L3MBTL4: variants seen among roughly 807,000 people sequenced by gnomAD.
L3MBTL4 encodes L3MBTL histone methyl-lysine binding protein 4.
L3MBTL4 carries 70 observed loss-of-function variants against 84.5 expected under a neutral mutation model. The ratio of observed to expected loss-of-function variants is 0.83; its 90% CI spans 0.68 to 1.01. The LOEUF (loss-of-function observed/expected upper bound fraction) is 1.01. Ranked by LOEUF, L3MBTL4 falls within the 50% of genes least tolerant of loss-of-function variation. L3MBTL4 has a pLI of 0.00. For missense variants in L3MBTL4, 715 were observed against 754.8 expected (o/e 0.95, Z 0.62); for synonymous variants, 274 against 259.8 (o/e 1.05, Z -0.52).
chr18:6,070,694 C>T lies in L3MBTL4; in HGVS notation c.1444+10187G>A, dbSNP rs992961712. Among the ~76,000 whole-genome samples, 7 of 151,862 alleles carry T rather than the reference C, an allele frequency of 4.6e-5. 1 individual carries two copies. The highest frequency in any genetic ancestry group is 6.3e-3 in the Middle Eastern group (2 of 316). ...AAAAACAAAAAAAACAAAAATTAGC[C>T]GGGCATGGTGGCACACACCTGTAGG... On this transcript the variant is annotated intron_variant, in intron 16 of 18. Coordinates refer to ENST00000317931, the MANE Select transcript of L3MBTL4 (RefSeq NM_001330559.2).
rs143540182 is a variant in L3MBTL4 at position 6,267,499 on chromosome 18, G to C, written c.128-3461C>G. On this transcript the variant is annotated intron_variant, in intron 4 of 18. Coordinates refer to ENST00000317931, the MANE Select transcript of L3MBTL4 (RefSeq NM_001330559.2). ...ACAAACCCTGAAGATGCTCCAGGAAGACTATTCAACATCCCAATTTCCACA... is the reference window on the plus strand; with the variant it reads ...ACAAACCCTGAAGATGCTCCAGGAACACTATTCAACATCCCAATTTCCACA... Among the ~76,000 whole-genome samples the C allele has an allele frequency of 2.1e-3, 325 of 152,286 alleles. 4 individuals carry two copies. Among genetic ancestry groups the C allele is most frequent in the Admixed American group, 0.018 (270 of 15,300 alleles).
chr18:6,227,720 A>G (rs976668541), intron 10 of L3MBTL4, among the ~76,000 whole-genome samples: 21 of 152,154 alleles, frequency 1.4e-4, no homozygotes, highest in African/African-American at 4.8e-4. Context: ...AAATCAATAA[A>G]CTGCAAGGAA....
At chr18:6,337,440 A>G (rs2052396620) in intron 1 of L3MBTL4, among the ~76,000 whole-genome samples, 1 of 152,170 alleles carries the variant, frequency 6.6e-6, no homozygotes, top group African/African-American at 2.4e-5. Context: ...AATGAGAATA[A>G]ACAAACTATA....
chr18:6,051,885 G>C lies in L3MBTL4; in HGVS notation c.1444+28996C>G, dbSNP rs997811618. 3.3e-5 allele frequency among the ~76,000 whole-genome samples: 5 copies of C among 152,304 alleles called. No homozygotes were observed. In the South Asian group the frequency reaches 1.0e-3, roughly 32 times the overall value. On this transcript the variant is annotated intron_variant, in intron 16 of 18. Transcript: ENST00000317931. ...CTTGGCAGGATGAGTGTTAATAGTG[G>C]GGGAGAACTGAAAGTGGCCACTGTG...
chr18:6,383,296 A>G (rs2054676248), intron 1 of L3MBTL4, among the ~76,000 whole-genome samples: 1 of 150,894 alleles, frequency 6.6e-6, no homozygotes, highest in Non-Finnish European at 1.5e-5. Flanking sequence ...CCCTGGCTTC[A>G]CTCCCCTTTC....
At chr18:6,360,711 G>A (rs1426834794) in intron 1 of L3MBTL4, among the ~76,000 whole-genome samples, 1 of 152,068 alleles carries the variant, frequency 6.6e-6, no homozygotes, top group Non-Finnish European at 1.5e-5. Context: ...GCAGAGTGCA[G>A]TGCAGTGCTA....
intron 1 of L3MBTL4, among the ~76,000 whole-genome samples, chr18:6,372,285 G>A (rs2054188251): frequency 6.6e-6 from 1 of 152,188 alleles, no homozygotes; most frequent in African/African-American, 2.4e-5. Flanking sequence ...ATAGCAAGCT[G>A]CCCTATGGGG....
chr18:6,042,139 T>C (rs932894514), intron 16 of L3MBTL4, among the ~76,000 whole-genome samples: 6 of 152,016 alleles, frequency 3.9e-5, no homozygotes, highest in Admixed American at 1.3e-4. Flanking sequence ...ACAGAGAAAA[T>C]AGAAGCCACC....
At chr18:6,275,516 C>A (rs891631802) in intron 4 of L3MBTL4, among the ~76,000 whole-genome samples, 2 of 152,028 alleles carry the variant, frequency 1.3e-5, no homozygotes, top group African/African-American at 4.8e-5. Context: ...GCCTCGGGAT[C>A]GTTTCCACTG....
intron 12 of L3MBTL4, among the ~76,000 whole-genome samples, chr18:6,187,195 G>A (rs2044816863): frequency 6.6e-6 from 1 of 152,144 alleles, no homozygotes; most frequent in Non-Finnish European, 1.5e-5. Context: ...TTAAACTCAA[G>A]GTAGATGCTG....
At chr18:5,976,588 C>T (rs1192631683) in intron 16 of L3MBTL4, among the ~76,000 whole-genome samples, 2 of 152,144 alleles carry the variant, frequency 1.3e-5, no homozygotes, top group Non-Finnish European at 1.5e-5. Flanking sequence ...GACAGGAGGT[C>T]ATGGACAGTC....
intron 12 of L3MBTL4, among the ~76,000 whole-genome samples, chr18:6,195,786 G>T (rs776385510): frequency 6.6e-6 from 1 of 152,064 alleles, no homozygotes; most frequent in African/African-American, 2.4e-5. Context: ...GGCCTTATTG[G>T]TTGCCCCATA....
At chr18:6,200,695 T>C (rs907832134) in intron 12 of L3MBTL4, among the ~76,000 whole-genome samples, 1 of 152,226 alleles carries the variant, frequency 6.6e-6, no homozygotes, top group African/African-American at 2.4e-5. Context: ...GGAAGCATCA[T>C]ATAAAATAAT....
At chr18:5,981,455 C>G (rs2053210348) in intron 16 of L3MBTL4, among the ~76,000 whole-genome samples, 1 of 152,188 alleles carries the variant, frequency 6.6e-6, no homozygotes, top group South Asian at 2.1e-4. Context: ...TTTAAGAAGA[C>G]TGAAGTGAGA....
intron 1 of L3MBTL4, among the ~76,000 whole-genome samples, chr18:6,392,838 A>G (rs982893751): frequency 5.9e-5 from 9 of 152,234 alleles, no homozygotes; most frequent in Non-Finnish European, 1.0e-4. Flanking sequence ...ACCAAATTCC[A>G]TATCTTCTCA....
intron 12 of L3MBTL4, among the ~76,000 whole-genome samples, chr18:6,177,775 T>G (rs2044288839): frequency 6.6e-6 from 1 of 152,216 alleles, no homozygotes; most frequent in Admixed American, 6.5e-5. Flanking sequence ...ATTCAAGGTG[T>G]GAACAGGCAA....
chr18:6,289,286 T>C (rs2049736503), intron 4 of L3MBTL4, among the ~76,000 whole-genome samples: 1 of 152,188 alleles, frequency 6.6e-6, no homozygotes, highest in African/African-American at 2.4e-5. Flanking sequence ...TAAATGTTAG[T>C]GTGAGGGGTG....
chr18:6,320,840 T>C (rs1375491513), intron 1 of L3MBTL4, among the ~76,000 whole-genome samples: 1 of 152,112 alleles, frequency 6.6e-6, no homozygotes, highest in Non-Finnish European at 1.5e-5. Context: ...GAACTTCAAA[T>C]TATACCAAAA....
intron 4 of L3MBTL4, among the ~76,000 whole-genome samples, chr18:6,298,638 CA>C (rs1482626634): frequency 6.6e-6 from 1 of 152,074 alleles, no homozygotes; most frequent in Non-Finnish European, 1.5e-5. Context: ...TTTGGGAGGC[CA>C]AGGCGGGTGG....
Sources: allele counts gnomAD v4.1 joint callset (sites outside exome capture counted in the v4.1 genomes callset), GRCh38; gene constraint gnomAD v4.1.1; transcripts MANE v1.5; gene names NCBI Gene and HGNC (gene_info 2026-07-23, HGNC 2026-07-21).